GFUS: variants seen among roughly 807,000 people sequenced by gnomAD.
The protein encoded by GFUS is GDP-L-fucose synthase.
A neutral mutation model predicts 41.5 loss-of-function variants in GFUS; 42 were observed. That is an observed-to-expected ratio of 1.01 (90% CI 0.79 to 1.31). The LOEUF (loss-of-function observed/expected upper bound fraction) is 1.31, where lower values mean the gene tolerates loss of function less well. Ranked by LOEUF, GFUS falls within the 50% of genes most tolerant of loss-of-function variation. The pLI is 0.00. For synonymous variants in GFUS, 188 were observed against 173.4 expected (o/e 1.08, Z -0.66); for missense variants, 437 against 428.7 (o/e 1.02, Z -0.17).
chr8:143,616,242 G>A (rs1563688279), intron 2 of GFUS, 22 bp from the exon 3 acceptor site: 1 of 1,608,092 alleles, frequency 6.2e-7, no homozygotes, highest in Non-Finnish European at 8.5e-7. Context: ...CAGGCTGTCA[G>A]GAGGCTCTGG....
Position 143,614,359 on chromosome 8 carries a change from C to G in GFUS, c.559G>C (p.Val187Leu), listed in dbSNP as rs748034934. The G allele has an allele frequency of 4.6e-5, 75 of 1,613,762 alleles. No homozygotes were observed. Among genetic ancestry groups the G allele is most frequent in the Non-Finnish European group, 5.9e-5 (70 of 1,179,974 alleles). The change falls in exon 6 of 11, where the codon GTG becomes CTG. Residue 187 changes from valine (V) to leucine (L), a missense_variant. By Grantham distance (32) the Val-to-Leu change is conservative. Coordinates refer to ENST00000425753, the MANE Select transcript of GFUS (RefSeq NM_003313.4). Reference protein sequence around the residue: ...HDNFNIEDGHVLPGLIHKVHL... With the variant: ...HDNFNIEDGHLLPGLIHKVHL... ...ACCTTGTGGATGAGGCCAGGCAGCA[C>G]GTGGCCATCCTCGATGTTGAAGTTG...
rs932159384 is a variant in GFUS at position 143,613,037 on chromosome 8, G to A, written c.911-72C>T. The stretch of plus-strand genomic sequence containing the variant: ...CGCATGGGAGGAAGTGGGGGGAGGA[G>A]GCCCAGGGACAGGGAAGTCACCCCT... On this transcript the variant is annotated intron_variant, in intron 10 of 10. Coordinates refer to ENST00000425753, the MANE Select transcript of GFUS (RefSeq NM_003313.4). 9 of 1,583,848 alleles carry A rather than the reference G, an allele frequency of 5.7e-6. No individual in the cohort carries two copies. The African/African-American group carries it at 1.2e-4, about 21-fold the overall frequency.
At chr8:143,613,898 G>A (rs530551705) in intron 7 of GFUS, 81 bp from the exon 8 acceptor site, 3 of 1,442,270 alleles carry the variant, frequency 2.1e-6, no homozygotes, top group Admixed American at 2.0e-5. Context: ...AGTCCATACT[G>A]CTGTCCTTGT....
chr8:143,612,831 T>C lies in GFUS; in HGVS notation c.*79A>G. 6.6e-7 allele frequency: 1 copy of C among 1,523,684 alleles called. No homozygotes were observed. The highest frequency in any genetic ancestry group is 8.9e-7 in the Non-Finnish European group (1 of 1,129,530). 94.4% of individuals were successfully genotyped at this position (1,523,684 alleles called of 1,614,324 possible). On this transcript the variant is annotated 3_prime_UTR_variant, in exon 11 of 11. Transcript: ENST00000425753. ...CAGGTTGCTGGGTGGTGCCCTCAGC[T>C]CCTGGCAGGGTTGACGGGTGGTGGC...
At chr8:143,613,319 G>T (rs1180126295) in intron 9 of GFUS, 24 bp from the exon 10 acceptor site, 2 of 1,607,164 alleles carry the variant, frequency 1.2e-6, no homozygotes, top group East Asian at 4.5e-5. Flanking sequence ...CAAGGCCACA[G>T]CGAGAAGAGC....
rs1483747853 is a variant in GFUS, at chr8:143,613,393, G to C, written c.811-98C>G. 6 of 1,485,046 alleles carry C rather than the reference G, an allele frequency of 4.0e-6. No homozygotes were observed. The Admixed American group carries it at 7.0e-5, about 17-fold the overall frequency. 92.0% of individuals were successfully genotyped at this position (1,485,046 alleles called of 1,614,324 possible). ...TGCCATTCCCAGGGGAGCCACAGCAGAGCTCCTCCGCCTGCCAGGGTGAGC... is the reference window on the plus strand; with the variant it reads ...TGCCATTCCCAGGGGAGCCACAGCACAGCTCCTCCGCCTGCCAGGGTGAGC... On this transcript the variant is annotated intron_variant, in intron 9 of 10. Coordinates refer to ENST00000425753, the MANE Select transcript of GFUS (RefSeq NM_003313.4).
intron 2 of GFUS, 74 bp downstream of exon 2, chr8:143,616,493 A>G: frequency 6.2e-7 from 1 of 1,604,076 alleles, no homozygotes; most frequent in Non-Finnish European, 8.5e-7. Context: ...CAACATGCCC[A>G]GCCTGGAACT....
At chr8:143,616,991 G>A in intron 1 of GFUS, 1 of 526,646 alleles carries the variant, frequency 1.9e-6, no homozygotes, top group East Asian at 3.1e-5. Context: ...GCCGAGAAAA[G>A]GTACATTCTA....
Position 143,612,801 on chromosome 8 carries a change from A to C in GFUS, c.*109T>G, listed in dbSNP as rs1829607219. 3.0e-6 allele frequency: 4 copies of C among 1,326,508 alleles called. No homozygotes were observed. In the East Asian group the frequency reaches 1.0e-4, roughly 33 times the overall value. 82.2% of individuals were successfully genotyped at this position (1,326,508 alleles called of 1,614,324 possible). On this transcript the variant is annotated 3_prime_UTR_variant, in exon 11 of 11. Transcript: ENST00000425753. ...TGGGGCTGCAGAGCGGATGGAATGC[A>C]GGCCCAGGTTGCTGGGTGGTGCCCT...
chr8:143,616,491 C>A, intron 2 of GFUS, 76 bp downstream of exon 2: 1 of 1,603,046 alleles, frequency 6.2e-7, no homozygotes, highest in Non-Finnish European at 8.5e-7. Context: ...AGCAACATGC[C>A]CAGCCTGGAA....
At chr8:143,616,412 G>T in intron 2 of GFUS, 155 bp downstream of exon 2, 2 of 1,287,306 alleles carry the variant, frequency 1.6e-6, no homozygotes, top group Non-Finnish European at 2.2e-6. Context: ...CAGGAACACA[G>T]CCAAGCACAC....
At position 143,614,817 on chromosome 8, in the gene GFUS, G is replaced by T. The variant is rs368180547; in HGVS notation, c.360C>A (p.Asp120Glu). ...TCTCATCTATCGGGTAGGTCGTCTT[G>T]TCAGGGAAGATACAGGTGGACAGGC... ...VSCLSTCIFP[D>E]KTTYPIDETM... The change falls in exon 4 of 11, where the codon GAC becomes GAA. Residue 120 changes from aspartate to glutamate, a missense_variant. By Grantham distance (45) the Asp-to-Glu change is conservative. Transcript: ENST00000425753. The T allele has an allele frequency of 1.1e-5, 17 of 1,613,628 alleles. No individual in the cohort carries two copies. The highest frequency in any genetic ancestry group is 1.4e-5 in the Non-Finnish European group (16 of 1,180,010).
At position 143,613,545 on chromosome 8, in the gene GFUS, C is replaced by T. The variant is rs997234119; in HGVS notation, c.789G>A (p.Met263Ile). 5.6e-6 allele frequency: 9 copies of T among 1,610,884 alleles called. No homozygotes were observed. The highest frequency in any genetic ancestry group is 5.3e-5 in the African/African-American group (4 of 74,914). Residue 263 changes from methionine to isoleucine, a missense_variant, in exon 9 of 11, where the codon ATG (methionine) becomes ATA (isoleucine). By Grantham distance (10) the Met-to-Ile change is conservative. Coordinates refer to ENST00000425753, the MANE Select transcript of GFUS (RefSeq NM_003313.4). ...KEAAEAVVEA[M>I]DFHGEVTFDT... ...ATACGGTGACTTCCCCATGGAAGTC[C>T]ATGGCCTCCACCACCGCCTCGGCTG...
chr8:143,614,210 G>C lies in GFUS; in HGVS notation c.617C>G (p.Thr206Arg). The C allele has an allele frequency of 6.2e-7, 1 of 1,613,548 alleles. No individual in the cohort carries two copies. Among genetic ancestry groups the C allele is most frequent in the South Asian group, 1.1e-5 (1 of 91,082 alleles). The change falls in exon 7 of 11, where the codon ACG (threonine) becomes AGG (arginine). Residue 206 changes from threonine to arginine, a missense_variant. Transcript: ENST00000425753. ...HLAKSSGSAL[T>R]VWGTGNPRRQ... ...CCGCGGATTCCCTGTACCCCACACCGTCAGGGCCGAGCCGCTGCCTGCAGA... is the reference window on the plus strand; with the variant it reads ...CCGCGGATTCCCTGTACCCCACACCCTCAGGGCCGAGCCGCTGCCTGCAGA...
At position 143,613,576 on chromosome 8, in the gene GFUS, T is replaced by C; in HGVS notation, c.758A>G (p.Lys253Arg). Residue 253 changes from lysine (K) to arginine (R), a missense_variant, in exon 9 of 11, where the codon AAG becomes AGG. Physicochemically the swap from Lys to Arg is conservative, Grantham distance 26 (BLOSUM62 2). Transcript: ENST00000425753. Reference protein sequence around the residue: ...SVGEEDEVSIKEAAEAVVEAM... With the variant: ...SVGEEDEVSIREAAEAVVEAM... ...CTCCACCACCGCCTCGGCTGCCTCC[T>C]TGATGGAGACCTCATCTTCCTCGCC... 3 of 1,611,870 alleles carry C rather than the reference T, an allele frequency of 1.9e-6. No homozygotes were observed. Among genetic ancestry groups the C allele is most frequent in the East Asian group, 2.2e-5 (1 of 44,848 alleles).
At position 143,614,350 on chromosome 8, in the gene GFUS, C is replaced by T; in HGVS notation, c.568G>A (p.Gly190Ser). The change falls in exon 6 of 11, where the codon GGC becomes AGC. Residue 190 changes from glycine (G) to serine (S), a missense_variant. By Grantham distance (56) the Gly-to-Ser change is moderately conservative. Coordinates refer to ENST00000425753, the MANE Select transcript of GFUS (RefSeq NM_003313.4). ...FNIEDGHVLP[G>S]LIHKVHLAKS... The stretch of plus-strand genomic sequence containing the variant: ...GCCAGGTGCACCTTGTGGATGAGGC[C>T]AGGCAGCACGTGGCCATCCTCGATG... 1 of 1,613,828 alleles carries T rather than the reference C, an allele frequency of 6.2e-7. No individual in the cohort carries two copies. The highest frequency in any genetic ancestry group is 8.5e-7 in the Non-Finnish European group (1 of 1,179,926).
At chr8:143,614,731 C>G (rs776749023) in intron 4 of GFUS, 34 bp from the exon 5 acceptor site, 1 of 1,613,148 alleles carries the variant, frequency 6.2e-7, no homozygotes, top group South Asian at 1.1e-5. Flanking sequence ...GCCGCTACTT[C>G]CTGGCCCTGC....
chr8:143,612,976 A>T lies in GFUS; in HGVS notation c.911-11T>A. Reference sequence around the variant, plus strand: ...AGGTCTCCTTCACCGCTGCAGAGGCAGGCAGGTGAGGGCCATGGACAGGGA... The same window carrying T: ...AGGTCTCCTTCACCGCTGCAGAGGCTGGCAGGTGAGGGCCATGGACAGGGA... On this transcript the variant is annotated splice_polypyrimidine_tract_variant and intron_variant, in intron 10 of 10. Transcript: ENST00000425753. The T allele has an allele frequency of 6.2e-7, 1 of 1,608,640 alleles. No homozygotes were observed.
Position 143,612,773 on chromosome 8 carries a change from G to T in GFUS, c.*137C>A. The T allele has an allele frequency of 8.9e-7, 1 of 1,128,026 alleles. No individual in the cohort carries two copies. The allele number at this position is 1,128,026 out of a possible 1,614,324, so 69.9% of individuals were successfully genotyped here. A position where few individuals can be genotyped will look rare whatever the true frequency, so the allele number is the denominator to read the frequency against. On this transcript the variant is annotated 3_prime_UTR_variant, in exon 11 of 11. Coordinates refer to ENST00000425753, the MANE Select transcript of GFUS (RefSeq NM_003313.4). ...TGAATGGGGGCCCCACTGGAAAGAT[G>T]CTTGGGGCTGCAGAGCGGATGGAAT...
Sources: gnomAD v4.1 joint callset for allele counts on GRCh38, gnomAD v4.1.1 for gene constraint, MANE v1.5 for transcripts, NCBI Gene and HGNC (gene_info 2026-07-23, HGNC 2026-07-21) for gene names.